Variants in F5 observed in about 807,000 individuals in gnomAD.
F5 encodes the protein coagulation factor V, also known as activated protein c cofactor.
Under a neutral mutation model 216.4 loss-of-function variants are expected in F5, and 138 were observed. The observed-to-expected ratio is 0.64, with a 90% CI of 0.56 to 0.73. The LOEUF (loss-of-function observed/expected upper bound fraction) is 0.73, where lower values mean the gene tolerates loss of function less well. Ranked by LOEUF, F5 falls within the 30% of genes least tolerant of loss-of-function variation. The probability of loss-of-function intolerance (pLI) is 0.00; values close to 1 mark genes in which losing one functional copy is unlikely to be tolerated. For synonymous variants in F5, 916 were observed against 930.7 expected (o/e 0.98, Z 0.29); for missense variants, 2,403 against 2,674.0 (o/e 0.90, Z 2.24).
At position 169,515,382 on chromosome 1, in the gene F5, C is replaced by T. The variant is rs537371397; in HGVS notation, c.6528+62G>A. 6 of 1,586,178 alleles carry T rather than the reference C, an allele frequency of 3.8e-6. No individual in the cohort carries two copies. In the Admixed American group the frequency reaches 5.0e-5, roughly 13 times the overall value. ...CTGCATATTTGTCAAATGCAAAATA[C>T]TGTTATTCTCATTATAGCACAGTCT... On this transcript the variant is annotated intron_variant, in intron 24 of 24. Coordinates refer to ENST00000367797, the MANE Select transcript of F5 (RefSeq NM_000130.5).
rs1257193113 is a variant in F5, at chr1:169,555,309, T to C, written c.991A>G (p.Lys331Glu). 7 of 1,614,094 alleles carry C rather than the reference T, an allele frequency of 4.3e-6. No individual in the cohort carries two copies. Among genetic ancestry groups the C allele is most frequent in the Middle Eastern group, 3.3e-4 (2 of 6,062 alleles). ...ATTTTCTTAAGATTCCTGGTTTTCT[T>C]TGGGCAGTTTTTAATGTCAATGTAA... ...QAYIDIKNCPKKTRNLKKITR... is the reference protein window; with the variant it reads ...QAYIDIKNCPEKTRNLKKITR... The change falls in exon 7 of 25, where the codon AAG becomes GAG. Residue 331 changes from lysine to glutamate, a missense_variant. By Grantham distance (56) the Lys-to-Glu change is moderately conservative (BLOSUM62 1). Around this residue, in one of 4 missense-constraint regions of F5, gnomAD observed 1,425 missense variants for 1,554.8 expected, o/e 0.92. Coordinates refer to ENST00000367797, the MANE Select transcript of F5 (RefSeq NM_000130.5).
intron 22 of F5, among the ~76,000 whole-genome samples, chr1:169,520,281 A>T (rs1210098002): frequency 6.6e-6 from 1 of 152,126 alleles, no homozygotes; most frequent in Non-Finnish European, 1.5e-5. Context: ...GAGAGTTGTG[A>T]TGTGTCTATA....
rs1003012822 is a variant in F5 at position 169,518,318 on chromosome 1, C to T, written c.6345+94G>A. 1.2e-5 allele frequency: 18 copies of T among 1,457,520 alleles called. No homozygotes were observed. The African/African-American group carries it at 1.9e-4, about 16-fold the overall frequency. 90.3% of individuals were successfully genotyped at this position (1,457,520 alleles called of 1,614,324 possible). On this transcript the variant is annotated intron_variant, in intron 23 of 24. Transcript: ENST00000367797. ...TAATCTGCAGAAACAGATTAAAATACTCCTGCTTCCCAGATCCTCCATGTT... is the reference window on the plus strand; with the variant it reads ...TAATCTGCAGAAACAGATTAAAATATTCCTGCTTCCCAGATCCTCCATGTT...
intron 7 of F5, among the ~76,000 whole-genome samples, chr1:169,553,751 C>T (rs1428906566): frequency 6.6e-6 from 1 of 152,024 alleles, no homozygotes; most frequent in Non-Finnish European, 1.5e-5. Flanking sequence ...CAATGAGATG[C>T]CCTCTCATGC....
At chr1:169,570,245 G>C (rs988367315) in intron 3 of F5, among the ~76,000 whole-genome samples, 2 of 152,026 alleles carry the variant, frequency 1.3e-5, no homozygotes, top group Non-Finnish European at 2.9e-5. Context: ...AAAGGAAGAG[G>C]GATAGTGTTG....
At chr1:169,524,715 A>T in intron 19 of F5, 122 bp downstream of exon 19, 4 of 846,070 alleles carry the variant, frequency 4.7e-6, no homozygotes, top group Non-Finnish European at 8.0e-6. Flanking sequence ...ACTACATTGT[A>T]GTAGAGAAAA....
At position 169,586,228 on chromosome 1, in the gene F5, C is replaced by A; in HGVS notation, c.158+1G>T. 1 of 1,614,138 alleles carries A rather than the reference C, an allele frequency of 6.2e-7. No individual in the cohort carries two copies. Among genetic ancestry groups the A allele is most frequent in the Non-Finnish European group, 8.5e-7 (1 of 1,180,034 alleles). Reference sequence around the variant, plus strand: ...CCACCCGGACTCCACACCTGAGTTACCTTGAGTTTGTGGGCTCAGGTCGGT... The same window carrying A: ...CCACCCGGACTCCACACCTGAGTTAACTTGAGTTTGTGGGCTCAGGTCGGT... On this transcript the variant is annotated splice_donor_variant, in intron 1 of 24. Coordinates refer to ENST00000367797, the MANE Select transcript of F5 (RefSeq NM_000130.5). LOFTEE classifies it high-confidence loss of function.
At chr1:169,518,626 T>C (rs1433901540) in intron 22 of F5, 63 bp from the exon 23 acceptor site, 11 of 1,499,460 alleles carry the variant, frequency 7.3e-6, no homozygotes, top group Non-Finnish European at 3.7e-6. Context: ...CTTCATGCAC[T>C]GCAGAGGAGA....
At chr1:169,533,258 A>T (rs180747739) in intron 14 of F5, among the ~76,000 whole-genome samples, 111 of 152,270 alleles carry the variant, frequency 7.3e-4, no homozygotes, top group African/African-American at 2.0e-3. Context: ...ACAAAAATTA[A>T]CTCAAAATGG....
intron 5 of F5, among the ~76,000 whole-genome samples, chr1:169,557,079 T>C (rs1355209612): frequency 2.6e-5 from 4 of 152,190 alleles, no homozygotes; most frequent in Non-Finnish European, 5.9e-5. Context: ...TTGTGATAAA[T>C]GGCATTATAC....
intron 6 of F5, among the ~76,000 whole-genome samples, chr1:169,556,171 A>G (rs116625821): frequency 2.1e-3 from 320 of 152,210 alleles, no homozygotes; most frequent in African/African-American, 7.5e-3. Context: ...GATCCATTCA[A>G]CACACATTCA....
intron 2 of F5, among the ~76,000 whole-genome samples, chr1:169,575,954 T>C (rs1660837395): frequency 6.6e-6 from 1 of 152,076 alleles, no homozygotes; most frequent in African/African-American, 2.4e-5. Context: ...ATAACAAAGG[T>C]CCTTATCAGA....
intron 23 of F5, among the ~76,000 whole-genome samples, chr1:169,518,003 T>C (rs1314744385): frequency 6.6e-6 from 1 of 152,226 alleles, no homozygotes; most frequent in Non-Finnish European, 1.5e-5. Flanking sequence ...GCCTGTTTTT[T>C]GTAAACAAAG....
chr1:169,543,066 A>C lies in F5; in HGVS notation c.2024T>G (p.Leu675Arg). 1 of 1,614,026 alleles carries C rather than the reference A, an allele frequency of 6.2e-7. No individual in the cohort carries two copies. The highest frequency in any genetic ancestry group is 8.5e-7 in the Non-Finnish European group (1 of 1,179,960). ...SMNSSPRSKKLRLKFRDVKCI... is the reference protein window; with the variant it reads ...SMNSSPRSKKRRLKFRDVKCI... ...TTTAACATCCCTGAATTTCAGCCTC[A>C]GCTTTTTGCTTCTTGGACTAGAATT... The change falls in exon 13 of 25, where the codon CTG becomes CGG. Residue 675 changes from leucine to arginine, a missense_variant. By Grantham distance (102) the Leu-to-Arg change is moderately radical. Transcript: ENST00000367797.
chr1:169,522,798 C>T (rs1325234445), intron 21 of F5, among the ~76,000 whole-genome samples: 1 of 152,174 alleles, frequency 6.6e-6, no homozygotes, highest in East Asian at 1.9e-4. Context: ...CTATTTACTT[C>T]AGGTACACTG....
intron 2 of F5, among the ~76,000 whole-genome samples, chr1:169,579,158 A>C (rs1660932497): frequency 6.6e-6 from 1 of 150,794 alleles, no homozygotes; most frequent in African/African-American, 2.4e-5. Context: ...ACTCCTCAAC[A>C]CCCTGCCATC....
intron 20 of F5, 53 bp from the exon 21 acceptor site, chr1:169,523,405 A>C (rs1187461652): frequency 1.9e-6 from 3 of 1,600,382 alleles, no homozygotes; most frequent in Non-Finnish European, 2.6e-6. Flanking sequence ...CAAGTCACAC[A>C]CTGCCTAAAT....
intron 3 of F5, among the ~76,000 whole-genome samples, chr1:169,563,207 C>G (rs1232785115): frequency 6.6e-6 from 1 of 151,958 alleles, no homozygotes. Context: ...TGGTTTTGTT[C>G]CCCTGTATGT....
Position 169,540,984 on chromosome 1 carries a change from T to G in F5, c.4106A>C (p.Asp1369Ala). ...TGGAGAGAGGTTTGTCTGGCTGAGGTCTAGAGAAAGGGTTGTATGGCTGGG... is the reference window on the plus strand; with the variant it reads ...TGGAGAGAGGTTTGTCTGGCTGAGGGCTAGAGAAAGGGTTGTATGGCTGGG... ...PDPSHTTLSLDLSQTNLSPEL... is the reference protein window; with the variant it reads ...PDPSHTTLSLALSQTNLSPEL... The change falls in exon 13 of 25, where the codon GAC (aspartate) becomes GCC (alanine). Residue 1369 changes from aspartate (D) to alanine (A), a missense_variant. Transcript: ENST00000367797. The G allele has an allele frequency of 1.9e-6, 3 of 1,591,398 alleles. No individual in the cohort carries two copies.
Sources: gnomAD v4.1 joint callset for allele counts (sites outside exome capture counted in the v4.1 genomes callset) on GRCh38, gnomAD v4.1.1 for gene constraint, gnomAD v4.1.1 regional missense constraint, MANE v1.5 for transcripts, NCBI Gene and HGNC (gene_info 2026-07-23, HGNC 2026-07-21) for gene names.